The following PRKN variants were observed in gnomAD, a reference collection of about 807,000 sequenced individuals.
PRKN encodes the protein parkin RBR E3 ubiquitin protein ligase.
A neutral mutation model predicts 59.5 loss-of-function variants in PRKN; 56 were observed. The observed-to-expected ratio is 0.94, with a 90% CI of 0.76 to 1.18. The LOEUF (loss-of-function observed/expected upper bound fraction) is 1.18, where lower values mean the gene tolerates loss of function less well. Ranked by LOEUF, PRKN falls within the 50% of genes most tolerant of loss-of-function variation. PRKN has a pLI of 0.00. For synonymous variants in PRKN, 250 were observed against 222.1 expected (o/e 1.13, Z -1.12); for missense variants, 657 against 596.4 (o/e 1.10, Z -1.06).
At chr6:161,684,771 T>C (rs1383839930) in intron 7 of PRKN, among the ~76,000 whole-genome samples, 1 of 149,968 alleles carries the variant, frequency 6.7e-6, no homozygotes, top group African/African-American at 2.5e-5. Flanking sequence ...TTTTAGGTCA[T>C]AGAAAGTGCT....
intron 6 of PRKN, among the ~76,000 whole-genome samples, chr6:161,837,851 C>A (rs1488747523): frequency 6.6e-6 from 1 of 152,006 alleles, no homozygotes; most frequent in Admixed American, 6.6e-5. Context: ...GTTTTGAGAG[C>A]TTTTTTAATG....
chr6:162,665,079 T>C (rs1045501069), intron 1 of PRKN, among the ~76,000 whole-genome samples: 15 of 152,114 alleles, frequency 9.9e-5, no homozygotes, highest in South Asian at 6.2e-4. Flanking sequence ...CAGCATCATA[T>C]TGAATAGGCA....
At chr6:162,558,563 A>G (rs1779707352) in intron 1 of PRKN, among the ~76,000 whole-genome samples, 2 of 152,060 alleles carry the variant, frequency 1.3e-5, no homozygotes. Context: ...TCCCGATTTC[A>G]GGTGATCTGC....
chr6:161,883,444 G>A (rs1372561331), intron 6 of PRKN, among the ~76,000 whole-genome samples: 4 of 142,724 alleles, frequency 2.8e-5, no homozygotes, highest in Non-Finnish European at 6.1e-5. Context: ...CTGAGATAGC[G>A]CCACTGCACT....
intron 7 of PRKN, among the ~76,000 whole-genome samples, chr6:161,585,110 G>A (rs539228506): frequency 2.3e-4 from 35 of 152,250 alleles, no homozygotes; most frequent in Middle Eastern, 6.8e-3. Context: ...TGTAGTCAGC[G>A]TTCCTTTTCT....
At chr6:162,028,591 C>T (rs970160661) in intron 5 of PRKN, among the ~76,000 whole-genome samples, 1 of 152,168 alleles carries the variant, frequency 6.6e-6, no homozygotes, top group Non-Finnish European at 1.5e-5. Context: ...CTTTGAGAGA[C>T]TCTGAGGAGC....
chr6:161,751,437 T>C (rs1291361790), intron 7 of PRKN, among the ~76,000 whole-genome samples: 1 of 152,226 alleles, frequency 6.6e-6, no homozygotes, highest in East Asian at 1.9e-4. Flanking sequence ...GTTTGTTATC[T>C]TGCACTAAAT....
intron 2 of PRKN, among the ~76,000 whole-genome samples, chr6:162,424,153 T>C (rs187601321): frequency 1.3e-5 from 2 of 152,276 alleles, no homozygotes; most frequent in East Asian, 3.9e-4. Context: ...GAAGGCGATA[T>C]GAAGAGGCGA....
intron 1 of PRKN, among the ~76,000 whole-genome samples, chr6:162,682,167 T>A (rs1207191339): frequency 6.6e-6 from 1 of 152,068 alleles, no homozygotes; most frequent in Non-Finnish European, 1.5e-5. Flanking sequence ...GCCATACAAG[T>A]GCATATAGTA....
Position 162,456,000 on chromosome 6 carries a change from G to C in PRKN, c.8-12527C>G, listed in dbSNP as rs185501515. On this transcript the variant is annotated intron_variant, in intron 1 of 11. Transcript: ENST00000366898. ...CTATATAATTTTGTCCAAGTAATTA[G>C]CTTCAAATTCTTTATTTTCAACAAA... 2.0e-3 allele frequency among the ~76,000 whole-genome samples: 297 copies of C among 152,124 alleles called. 5 individuals carry two copies. In the South Asian group the frequency reaches 0.024, roughly 12 times the overall value.
chr6:162,483,892 G>T (rs967240198), intron 1 of PRKN, among the ~76,000 whole-genome samples: 1 of 152,182 alleles, frequency 6.6e-6, no homozygotes, highest in African/African-American at 2.4e-5. Flanking sequence ...AATAATAGGG[G>T]ACAAGTTAAG....
intron 1 of PRKN, among the ~76,000 whole-genome samples, chr6:162,620,141 C>T (rs1206180016): frequency 6.6e-6 from 1 of 151,970 alleles, no homozygotes; most frequent in Admixed American, 6.6e-5. Flanking sequence ...TCCTTCTTTC[C>T]TATTCTACCT....
chr6:161,889,966 G>C (rs1377194629), intron 6 of PRKN, among the ~76,000 whole-genome samples: 2 of 152,144 alleles, frequency 1.3e-5, no homozygotes, highest in African/African-American at 4.8e-5. Context: ...CATACATTTA[G>C]TAATCAGTAT....
intron 1 of PRKN, among the ~76,000 whole-genome samples, chr6:162,657,336 A>C (rs947000302): frequency 2.0e-5 from 3 of 152,204 alleles, no homozygotes; most frequent in Non-Finnish European, 2.9e-5. Flanking sequence ...GATAAATTAC[A>C]AATTAACTGC....
At chr6:162,724,557 G>A (rs1207978623) in intron 1 of PRKN, among the ~76,000 whole-genome samples, 2 of 152,112 alleles carry the variant, frequency 1.3e-5, no homozygotes, top group Non-Finnish European at 2.9e-5. Flanking sequence ...AATATTATTC[G>A]CAGTAAGGTT....
At chr6:162,233,288 C>T (rs575915441) in intron 3 of PRKN, among the ~76,000 whole-genome samples, 11 of 151,998 alleles carry the variant, frequency 7.2e-5, no homozygotes, top group African/African-American at 2.7e-4. Flanking sequence ...ATTTTTAAAG[C>T]AAAGCATATG....
At chr6:162,476,120 C>T (rs1024367941) in intron 1 of PRKN, among the ~76,000 whole-genome samples, 2 of 148,140 alleles carry the variant, frequency 1.4e-5, no homozygotes, top group East Asian at 2.0e-4. Context: ...TGCAATGGCA[C>T]GATCTCAGCT....
intron 2 of PRKN, among the ~76,000 whole-genome samples, chr6:162,438,864 T>G (rs1391154404): frequency 6.6e-6 from 1 of 152,218 alleles, no homozygotes; most frequent in African/African-American, 2.4e-5. Context: ...AACACTTATT[T>G]CTTTGAGCAT....
intron 2 of PRKN, among the ~76,000 whole-genome samples, chr6:162,420,633 T>C (rs1788913773): frequency 6.6e-6 from 1 of 152,196 alleles, no homozygotes; most frequent in Non-Finnish European, 1.5e-5. Context: ...TGAGGAGTAA[T>C]ATGGTATTAT....
Sources: allele counts gnomAD v4.1 joint callset (sites outside exome capture counted in the v4.1 genomes callset), GRCh38; gene constraint gnomAD v4.1.1; transcripts MANE v1.5; gene names NCBI Gene and HGNC (gene_info 2026-07-23, HGNC 2026-07-21).